NMT2: variants seen among roughly 807,000 people sequenced by gnomAD.
The protein encoded by NMT2 is N-myristoyltransferase 2, also known as glycylpeptide N-tetradecanoyltransferase 2.
Under a neutral mutation model 65.4 loss-of-function variants are expected in NMT2, and 35 were observed. That is an observed-to-expected ratio of 0.54 (90% CI 0.41 to 0.71). The LOEUF is 0.71. NMT2 is among the 30% of genes least tolerant of loss of function. NMT2 has a pLI of 0.00. For synonymous variants in NMT2, 226 were observed against 231.8 expected, an observed-to-expected ratio of 0.98 and a Z score of 0.23; for missense variants, 489 against 611.3, an observed-to-expected ratio of 0.80 and a Z score of 2.11.
At chr10:15,165,309 C>G (rs1304564346) in intron 1 of NMT2, among the ~76,000 whole-genome samples, 1 of 152,164 alleles carries the variant, frequency 6.6e-6, no homozygotes, top group Non-Finnish European at 1.5e-5. Context: ...TGTAGAAAGT[C>G]TTTCCAGGCT....
chr10:15,149,632 T>C (rs568580130), intron 1 of NMT2, among the ~76,000 whole-genome samples: 96 of 139,424 alleles, frequency 6.9e-4, no homozygotes, highest in Non-Finnish European at 1.2e-3. Context: ...CAGGCAACAC[T>C]TCGCAACACT....
intron 8 of NMT2, among the ~76,000 whole-genome samples, chr10:15,128,098 A>C (rs1246719915): frequency 6.6e-6 from 1 of 152,122 alleles, no homozygotes; most frequent in Non-Finnish European, 1.5e-5. Flanking sequence ...TTCAAAACTT[A>C]CTTGCCTTGA....
In NMT2 at chr10:15,112,737, T is replaced by C. The variant is rs1289574601; in HGVS notation, c.1338+59A>G. On this transcript the variant is annotated intron_variant, in intron 10 of 11. Transcript: ENST00000378165. ...GAAGAAAACACAGTAAGATGTCTTC[T>C]ATAGTTTGGCACAGACATTTGGAGA... 2.0e-6 allele frequency: 3 copies of C among 1,503,820 alleles called. No individual in the cohort carries two copies. The Admixed American group carries it at 6.5e-5, about 33-fold the overall frequency. 93.2% of individuals were successfully genotyped at this position (1,503,820 alleles called of 1,614,324 possible).
At position 15,109,775 on chromosome 10, in the gene NMT2, T is replaced by C; in HGVS notation, c.1403A>G (p.Lys468Arg). The change falls in exon 11 of 12, where the codon AAG becomes AGG. Residue 468 changes from lysine (K) to arginine (R), a missense_variant. Physicochemically the swap from Lys to Arg is conservative, Grantham distance 26 (BLOSUM62 2). Coordinates refer to ENST00000378165, the MANE Select transcript of NMT2 (RefSeq NM_004808.3). Reference protein sequence around the residue: ...MENKTFLEKLKFGIGDGNLQY... With the variant: ...MENKTFLEKLRFGIGDGNLQY... ...CAAATTGCCATCTCCTATACCAAAC[T>C]TGAGTTTTTCCAAGAATGTCTTATT... The C allele has an allele frequency of 1.2e-6, 2 of 1,613,754 alleles. No individual in the cohort carries two copies. The highest frequency in any genetic ancestry group is 1.7e-6 in the Non-Finnish European group (2 of 1,179,794).
chr10:15,139,271 TCTA>T (rs1846638469), intron 2 of NMT2, among the ~76,000 whole-genome samples: 1 of 151,142 alleles, frequency 6.6e-6, no homozygotes, highest in Non-Finnish European at 1.5e-5. Context: ...TATCTATCTA[TCTA>T]TCTATCTATC....
intron 8 of NMT2, among the ~76,000 whole-genome samples, chr10:15,121,678 G>T (rs569590371): frequency 6.6e-6 from 1 of 152,244 alleles, no homozygotes; most frequent in East Asian, 1.9e-4. Context: ...AGGAAAATAG[G>T]TTTTCTCTTG....
Position 15,109,059 on chromosome 10 carries a change from T to TCAGAAAAAA in NMT2, c.*135_*136insTTTTTTCTG, listed in dbSNP as rs1845415652. Reference sequence around the variant, plus strand: ...ACGTACAAATGTCACATGTGGACTTTTGTCATCTTTTCTGATTATCGACTA... The same window carrying TCAGAAAAAA: ...ACGTACAAATGTCACATGTGGACTTTCAGAAAAAATGTCATCTTTTCTGATTATCGACTA... On this transcript the variant is annotated 3_prime_UTR_variant, in exon 12 of 12. Transcript: ENST00000378165. 1 of 1,512,036 alleles carries TCAGAAAAAA rather than the reference T, an allele frequency of 6.6e-7. No homozygotes were observed. The highest frequency in any genetic ancestry group is 2.5e-5 in the East Asian group (1 of 40,648). The allele number at this position is 1,512,036 out of a possible 1,614,324, so 93.7% of individuals were successfully genotyped here.
chr10:15,139,898 T>C (rs1589333350), intron 2 of NMT2: 1 of 129,290 alleles, frequency 7.7e-6, no homozygotes, highest in Non-Finnish European at 1.6e-5. Flanking sequence ...TATATATATA[T>C]ATATATATAT....
rs35457996 is a variant in NMT2, at chr10:15,162,251, C to CAA, written c.110+6250_110+6251dup. 1.3e-3 allele frequency among the ~76,000 whole-genome samples: 91 copies of CAA among 67,674 alleles called. 1 individual carries two copies. Among genetic ancestry groups the CAA allele is most frequent in the African/African-American group, 2.1e-3 (37 of 17,270 alleles). 44.4% of individuals were successfully genotyped at this position (67,674 alleles called of 152,430 possible). ...CAGATGACAGAGTGAGACCTTGTCT[C>CAA]AAAAAAAAAAAAAAAAAAAAAGTGT... is the stretch of plus-strand genomic sequence containing the variant. On this transcript the variant is annotated intron_variant, in intron 1 of 11. Transcript: ENST00000378165.
At chr10:15,155,908 C>T (rs1832982625) in intron 1 of NMT2, among the ~76,000 whole-genome samples, 1 of 152,172 alleles carries the variant, frequency 6.6e-6, no homozygotes, top group Middle Eastern at 3.4e-3. Flanking sequence ...TACTAAGTGA[C>T]CTGCAGGCGG....
chr10:15,106,688 C>T lies in NMT2; in HGVS notation c.*2507G>A, dbSNP rs1845314160. ...CCAACTCCTTCGTAGTGACCAAGGT[C>T]AACAAACTTTCTGTAAAAGACCAGA... On this transcript the variant is annotated 3_prime_UTR_variant, in exon 12 of 12. Coordinates refer to ENST00000378165, the MANE Select transcript of NMT2 (RefSeq NM_004808.3). 2 of 983,902 alleles carry T rather than the reference C, an allele frequency of 2.0e-6. No homozygotes were observed. The highest frequency in any genetic ancestry group is 1.7e-5 in the African/African-American group (1 of 57,310). The allele number at this position is 983,902 out of a possible 1,614,324, so 60.9% of individuals were successfully genotyped here. A position where few individuals can be genotyped will look rare whatever the true frequency, so the allele number is the denominator to read the frequency against.
intron 2 of NMT2, among the ~76,000 whole-genome samples, chr10:15,135,893 GAGAGAGAGAGAAAACAAAGAAAGAGAA>G (rs1846470338): frequency 6.6e-6 from 1 of 151,020 alleles, no homozygotes; most frequent in South Asian, 2.1e-4. Flanking sequence ...AGGGAAAGAA[GAGAGAGAGAGAAAACAAAGAAAGAGAA>G]AGAGAGAGAG....
intron 1 of NMT2, among the ~76,000 whole-genome samples, chr10:15,143,207 A>G (rs1386527298): frequency 6.6e-6 from 1 of 152,186 alleles, no homozygotes; most frequent in Non-Finnish European, 1.5e-5. Flanking sequence ...ACTGCAACTT[A>G]CTATCAAGTA....
In NMT2 at chr10:15,133,348, G is replaced by C. The variant is rs746519133; in HGVS notation, c.407C>G (p.Ser136Cys). Reference sequence around the variant, plus strand: ...TTTATCTGGTTCAATTGCACCATGAGATGTTATGACTTCATCTGAACAGGG... The same window carrying C: ...TTTATCTGGTTCAATTGCACCATGACATGTTATGACTTCATCTGAACAGGG... ...PVPKLDEVIT[S>C]HGAIEPDKDN... The change falls in exon 4 of 12, where the codon TCT (serine) becomes TGT (cysteine). Residue 136 changes from serine to cysteine, a missense_variant. By Grantham distance (112) the Ser-to-Cys change is moderately radical. Transcript: ENST00000378165. 1 of 1,611,696 alleles carries C rather than the reference G, an allele frequency of 6.2e-7. No homozygotes were observed. Among genetic ancestry groups the C allele is most frequent in the Non-Finnish European group, 8.5e-7 (1 of 1,177,890 alleles).
At chr10:15,110,691 G>A (rs1442847254) in intron 10 of NMT2, among the ~76,000 whole-genome samples, 1 of 152,122 alleles carries the variant, frequency 6.6e-6, no homozygotes, top group Non-Finnish European at 1.5e-5. Context: ...ATTCAGAAAC[G>A]CTGAATCCCA....
chr10:15,148,468 G>A (rs368548917), intron 1 of NMT2, among the ~76,000 whole-genome samples: 9 of 152,274 alleles, frequency 5.9e-5, no homozygotes, highest in African/African-American at 2.2e-4. Context: ...AGCCGTGATC[G>A]TGCCACTACA....
Position 15,135,920 on chromosome 10 carries a change from AAGAG to A in NMT2, c.247-506_247-503del, listed in dbSNP as rs1385260916. ...GAGAGAGAGAAAACAAAGAAAGAGA[AAGAG>A]AGAGAGAAAGAAAGAGAGAGGATCG... is the stretch of plus-strand genomic sequence containing the variant. On this transcript the variant is annotated intron_variant, in intron 2 of 11. Coordinates refer to ENST00000378165, the MANE Select transcript of NMT2 (RefSeq NM_004808.3). Among the ~76,000 whole-genome samples the A allele has an allele frequency of 3.3e-5, 5 of 151,126 alleles. 1 individual carries two copies. The highest frequency in any genetic ancestry group is 6.8e-3 in the Middle Eastern group (2 of 292).
intron 9 of NMT2, among the ~76,000 whole-genome samples, chr10:15,114,165 C>A (rs1280747918): frequency 2.0e-5 from 3 of 152,188 alleles, no homozygotes; most frequent in Admixed American, 6.6e-5. Flanking sequence ...GAGATGAATT[C>A]AACCTTCAGG....
rs1833276455 is a variant in NMT2 at position 15,163,670 on chromosome 10, A to G, written c.110+4833T>C. ...AATGTTTCTGCATTTTCCCACTGATACCACACAGCTGACAAAGGGGAAGTT... is the reference window on the plus strand; with the variant it reads ...AATGTTTCTGCATTTTCCCACTGATGCCACACAGCTGACAAAGGGGAAGTT... On this transcript the variant is annotated intron_variant, in intron 1 of 11. Transcript: ENST00000378165. 3.3e-5 allele frequency among the ~76,000 whole-genome samples: 5 copies of G among 152,336 alleles called. No individual in the cohort carries two copies. In the South Asian group the frequency reaches 1.0e-3, roughly 32 times the overall value.
Sources: gnomAD v4.1 joint callset for allele counts (sites outside exome capture counted in the v4.1 genomes callset) on GRCh38, gnomAD v4.1.1 for gene constraint, MANE v1.5 for transcripts, NCBI Gene and HGNC (gene_info 2026-07-23, HGNC 2026-07-21) for gene names.